SEC14L5: variants seen among roughly 807,000 people sequenced by gnomAD.
SEC14L5 encodes the protein SEC14 like lipid binding 5, also known as SEC14-like protein 5.
Under a neutral mutation model 84.6 loss-of-function variants are expected in SEC14L5, and 96 were observed. That is an observed-to-expected ratio of 1.13 (90% CI 0.96 to 1.34). The LOEUF is 1.34. Among genes scored for constraint, SEC14L5 ranks in the 40% most tolerant of loss-of-function variants. SEC14L5 has a pLI of 0.00. For synonymous variants in SEC14L5, 546 were observed against 383.4 expected, an observed-to-expected ratio of 1.42 and a Z score of -4.95; for missense variants, 1,224 against 942.5, an observed-to-expected ratio of 1.30 and a Z score of -3.91.
At chr16:5,008,254 A>C (rs1955756134) in intron 13 of SEC14L5, among the ~76,000 whole-genome samples, 167 bp from the exon 14 acceptor site, 1 of 152,016 alleles carries the variant, frequency 6.6e-6, no homozygotes, top group Non-Finnish European at 1.5e-5. Context: ...GTTGCAGGCG[A>C]GGTCTCAGGA....
rs773991039 is a variant in SEC14L5 at position 5,003,587 on chromosome 16, C to T, written c.1302+14C>T. ...CTCTGGACACTGGTAAGAGCTGGAGCCTGGGCCAGGACTCTCCCTGGGGGT... is the reference window on the plus strand; with the variant it reads ...CTCTGGACACTGGTAAGAGCTGGAGTCTGGGCCAGGACTCTCCCTGGGGGT... On this transcript the variant is annotated intron_variant, in intron 11 of 15. Coordinates refer to ENST00000251170, the MANE Select transcript of SEC14L5 (RefSeq NM_014692.2). 1.0e-6 allele frequency: 1 copy of T among 975,106 alleles called. No homozygotes were observed. Among genetic ancestry groups the T allele is most frequent in the Non-Finnish European group, 1.4e-6 (1 of 691,328 alleles). The allele number at this position is 975,106 out of a possible 1,614,324, so 60.4% of individuals were successfully genotyped here.
intron 2 of SEC14L5, among the ~76,000 whole-genome samples, chr16:4,964,728 G>T (rs1019969461): frequency 2.6e-5 from 4 of 152,060 alleles, no homozygotes; most frequent in African/African-American, 9.7e-5. Flanking sequence ...GAGCCACTGT[G>T]CCCCACCTCT....
chr16:4,988,302 C>T (rs1240974602), intron 4 of SEC14L5, 22 bp downstream of exon 4: 2 of 1,611,056 alleles, frequency 1.2e-6, no homozygotes, highest in Admixed American at 1.7e-5. Context: ...CCACCCTCAG[C>T]GCCCACGCCC....
At chr16:4,973,774 C>T (rs996033249) in intron 2 of SEC14L5, among the ~76,000 whole-genome samples, 1 of 151,728 alleles carries the variant, frequency 6.6e-6, no homozygotes, top group Non-Finnish European at 1.5e-5. Flanking sequence ...CCTCCACCTC[C>T]CGGGTTCAAA....
At chr16:4,968,955 G>T (rs1360942123) in intron 2 of SEC14L5, among the ~76,000 whole-genome samples, 1 of 152,266 alleles carries the variant, frequency 6.6e-6, no homozygotes, top group Non-Finnish European at 1.5e-5. Context: ...AGCCTGTGAA[G>T]GTAAATTATT....
At chr16:4,998,687 G>A (rs895972275) in intron 8 of SEC14L5, among the ~76,000 whole-genome samples, 20 of 131,120 alleles carry the variant, frequency 1.5e-4, no homozygotes, top group Non-Finnish European at 2.8e-4. Context: ...GCAGTGAGCC[G>A]AGATCCCGCC....
intron 2 of SEC14L5, among the ~76,000 whole-genome samples, chr16:4,981,712 G>A (rs562840423): frequency 5.9e-5 from 9 of 152,166 alleles, no homozygotes; most frequent in African/African-American, 1.7e-4. Flanking sequence ...TCACCATCCC[G>A]TGCTGTGTGA....
At position 5,009,857 on chromosome 16, in the gene SEC14L5, T is replaced by G. The variant is rs1004417494; in HGVS notation, c.1800+1209T>G. Among the ~76,000 whole-genome samples, 3 of 151,700 alleles carry G rather than the reference T, an allele frequency of 2.0e-5. No individual in the cohort carries two copies. In the East Asian group the frequency reaches 5.8e-4, roughly 29 times the overall value. On this transcript the variant is annotated intron_variant, in intron 14 of 15. Transcript: ENST00000251170. ...GGATCTGGGAGGGGGTGAGAGGGGA[T>G]GATGTTCCAGGTGGAAGGAACAGAA...
chr16:4,979,561 T>A (rs1955393985), intron 2 of SEC14L5, among the ~76,000 whole-genome samples: 1 of 152,182 alleles, frequency 6.6e-6, no homozygotes, highest in Non-Finnish European at 1.5e-5. Flanking sequence ...TTGGTACTCA[T>A]CGGCACCTTT....
chr16:4,994,296 C>G (rs1955583857), intron 6 of SEC14L5, among the ~76,000 whole-genome samples: 1 of 152,174 alleles, frequency 6.6e-6, no homozygotes, highest in Non-Finnish European at 1.5e-5. Flanking sequence ...TGCCATGGAA[C>G]TAATAATACA....
At chr16:5,013,076 C>T (rs1955825157) in intron 15 of SEC14L5, among the ~76,000 whole-genome samples, 2 of 152,086 alleles carry the variant, frequency 1.3e-5, no homozygotes, top group South Asian at 4.1e-4. Flanking sequence ...ACCATCAGAC[C>T]TCATGAGAAC....
chr16:4,968,373 T>G (rs1445994040), intron 2 of SEC14L5, among the ~76,000 whole-genome samples: 1 of 152,086 alleles, frequency 6.6e-6, no homozygotes, highest in Non-Finnish European at 1.5e-5. Context: ...CAGACGGGGT[T>G]TCTCCATATT....
rs1955891109 is a variant in SEC14L5, at chr16:5,017,697, G to A, written c.*2727G>A. 6.6e-6 allele frequency: 1 copy of A among 152,200 alleles called. No homozygotes were observed. Among genetic ancestry groups the A allele is most frequent in the Non-Finnish European group, 1.5e-5 (1 of 68,056 alleles). 9.4% of individuals were successfully genotyped at this position (152,200 alleles called of 1,614,324 possible). On this transcript the variant is annotated 3_prime_UTR_variant, in exon 16 of 16. Transcript: ENST00000251170. ...AGGGCCATTCCCCCAATGGACAAGA[G>A]AAGCTGGACCACAGAACCAGCAGGT...
chr16:4,964,827 C>T (rs2142472362), intron 2 of SEC14L5, among the ~76,000 whole-genome samples: 1 of 152,070 alleles, frequency 6.6e-6, no homozygotes. Flanking sequence ...GTCTCCCAGG[C>T]TGAAGAGATT....
rs1054945876 is a variant in SEC14L5, at chr16:5,018,934, T to C, written c.*3964T>C. ...TGGGTTTTTTTGTTTGCCTGATCAC[T>C]TGCTCCAACCAGCAGCATTAAATGT... On this transcript the variant is annotated 3_prime_UTR_variant, in exon 16 of 16. Transcript: ENST00000251170. 2 of 152,238 alleles carry C rather than the reference T, an allele frequency of 1.3e-5. No homozygotes were observed. Among genetic ancestry groups the C allele is most frequent in the African/African-American group, 4.8e-5 (2 of 41,464 alleles). 9.4% of individuals were successfully genotyped at this position (152,238 alleles called of 1,614,324 possible). A position where few individuals can be genotyped will look rare whatever the true frequency, so the allele number is the denominator to read the frequency against.
chr16:5,011,343 G>A (rs1429027556), intron 15 of SEC14L5, 70 bp downstream of exon 15: 2 of 1,486,160 alleles, frequency 1.3e-6, no homozygotes, highest in African/African-American at 1.4e-5. Context: ...CAGATGCCTG[G>A]CCTCCTGTCT....
intron 14 of SEC14L5, among the ~76,000 whole-genome samples, chr16:5,008,960 A>G (rs893895795): frequency 1.3e-5 from 2 of 152,218 alleles, no homozygotes; most frequent in African/African-American, 2.4e-5. Context: ...ACAGGATCCA[A>G]CTGTATTTGT....
chr16:4,985,546 A>T (rs531737956), intron 2 of SEC14L5, among the ~76,000 whole-genome samples: 3 of 152,134 alleles, frequency 2.0e-5, no homozygotes, highest in Non-Finnish European at 4.4e-5. Flanking sequence ...ATTCTGTTGC[A>T]TGTGTATATC....
At chr16:4,969,233 A>C (rs1955244402) in intron 2 of SEC14L5, among the ~76,000 whole-genome samples, 1 of 152,134 alleles carries the variant, frequency 6.6e-6, no homozygotes, top group African/African-American at 2.4e-5. Context: ...TCGTGCATTC[A>C]TTTCTGTGTG....
Sources: gnomAD v4.1 joint callset for allele counts (sites outside exome capture counted in the v4.1 genomes callset) on GRCh38, gnomAD v4.1.1 for gene constraint, MANE v1.5 for transcripts, NCBI Gene and HGNC (gene_info 2026-07-23, HGNC 2026-07-21) for gene names.